Variants in ATP8A2 observed in about 807,000 individuals in gnomAD.
The protein encoded by ATP8A2 is phospholipid-transporting ATPase IB.
A neutral mutation model predicts 165.6 loss-of-function variants in ATP8A2; 100 were observed. That is an observed-to-expected ratio of 0.60 (90% CI 0.51 to 0.71). ATP8A2 has a LOEUF of 0.71. ATP8A2 is among the 30% of genes least tolerant of loss of function. The probability of loss-of-function intolerance (pLI) is 0.00; values close to 1 mark genes in which losing one functional copy is unlikely to be tolerated. For missense variants in ATP8A2, 1,227 were observed against 1,479.5 expected, an observed-to-expected ratio of 0.83 and a Z score of 2.80; for synonymous variants, 543 against 548.8, an observed-to-expected ratio of 0.99 and a Z score of 0.15.
At chr13:25,870,367 T>G (rs761521591) in intron 33 of ATP8A2, among the ~76,000 whole-genome samples, 1 of 152,146 alleles carries the variant, frequency 6.6e-6, no homozygotes, top group African/African-American at 2.4e-5. Context: ...AAAATGCCTG[T>G]CCTCACCTAG....
chr13:25,871,692 A>G (rs956930925), intron 33 of ATP8A2, among the ~76,000 whole-genome samples: 1 of 152,202 alleles, frequency 6.6e-6, no homozygotes, highest in African/African-American at 2.4e-5. Flanking sequence ...TATTGCTTAC[A>G]TCATCATTGT....
intron 33 of ATP8A2, among the ~76,000 whole-genome samples, chr13:25,889,873 A>G (rs1953301705): frequency 6.6e-6 from 1 of 151,994 alleles, no homozygotes; most frequent in Non-Finnish European, 1.5e-5. Context: ...AACTTTAAAA[A>G]CAAATTTGGC....
intron 1 of ATP8A2, among the ~76,000 whole-genome samples, chr13:25,437,463 A>G (rs2034812569): frequency 6.6e-6 from 1 of 152,176 alleles, no homozygotes; most frequent in Admixed American, 6.5e-5. Flanking sequence ...CTCCTCCTCC[A>G]GGGATATGTT....
In ATP8A2 at chr13:25,817,766, C is replaced by A. The variant is rs188385266; in HGVS notation, c.2680-10352C>A. ...GATCATGGCTCACTGCAGCCTCAAC[C>A]TCTCTGGCTCAAGCAACCTTCCCAC... is the stretch of plus-strand genomic sequence containing the variant. On this transcript the variant is annotated intron_variant, in intron 27 of 36. Transcript: ENST00000381655. Among the ~76,000 whole-genome samples the A allele has an allele frequency of 8.8e-4, 134 of 152,072 alleles. 1 individual carries two copies. The highest frequency in any genetic ancestry group is 2.9e-3 in the African/African-American group (119 of 41,480).
chr13:25,989,222 C>G (rs924628923), intron 35 of ATP8A2, among the ~76,000 whole-genome samples: 2 of 146,938 alleles, frequency 1.4e-5, no homozygotes, highest in Non-Finnish European at 2.9e-5. Flanking sequence ...TTGTCCAGAC[C>G]TAGACCCTGT....
intron 2 of ATP8A2, among the ~76,000 whole-genome samples, chr13:25,515,203 C>A (rs1278420767): frequency 1.3e-5 from 2 of 152,226 alleles, no homozygotes; most frequent in Non-Finnish European, 2.9e-5. Flanking sequence ...TTCCAACCCA[C>A]CGGCCTTTGG....
chr13:25,403,010 T>C (rs2033686443), intron 1 of ATP8A2, among the ~76,000 whole-genome samples: 1 of 152,084 alleles, frequency 6.6e-6, no homozygotes, highest in African/African-American at 2.4e-5. Context: ...ATTCCCTGAA[T>C]CCCTTTTATA....
chr13:25,726,177 G>A (rs1350096947), intron 25 of ATP8A2, among the ~76,000 whole-genome samples: 1 of 152,180 alleles, frequency 6.6e-6, no homozygotes, highest in African/African-American at 2.4e-5. Context: ...TTTGTGTCAA[G>A]CAGGTTGTAA....
At chr13:25,500,724 C>T (rs1407501996) in intron 2 of ATP8A2, among the ~76,000 whole-genome samples, 3 of 152,062 alleles carry the variant, frequency 2.0e-5, no homozygotes, top group African/African-American at 7.2e-5. Context: ...GGACCACAGG[C>T]ATGCATCACC....
chr13:25,505,991 C>T (rs2037024802), intron 2 of ATP8A2, among the ~76,000 whole-genome samples: 1 of 152,202 alleles, frequency 6.6e-6, no homozygotes, highest in African/African-American at 2.4e-5. Context: ...CAAGCAGCTT[C>T]TCCAAGCTGA....
At chr13:25,725,058 G>A (rs571664357) in intron 25 of ATP8A2, among the ~76,000 whole-genome samples, 9 of 152,302 alleles carry the variant, frequency 5.9e-5, no homozygotes, top group African/African-American at 2.2e-4. Context: ...ATCAGGAAGT[G>A]TAGCCTTTAA....
intron 33 of ATP8A2, among the ~76,000 whole-genome samples, chr13:25,871,645 C>T (rs1169672307): frequency 6.6e-6 from 1 of 152,130 alleles, no homozygotes; most frequent in Non-Finnish European, 1.5e-5. Context: ...GCCCAAAATA[C>T]TGAACAGACT....
At chr13:25,910,013 G>A (rs1954054260) in intron 33 of ATP8A2, among the ~76,000 whole-genome samples, 1 of 152,024 alleles carries the variant, frequency 6.6e-6, no homozygotes, top group African/African-American at 2.4e-5. Flanking sequence ...GTCTTGTATT[G>A]GCCTATTTTG....
chr13:25,790,794 G>C (rs1791426281), intron 27 of ATP8A2, among the ~76,000 whole-genome samples: 1 of 151,432 alleles, frequency 6.6e-6, no homozygotes, highest in African/African-American at 2.4e-5. Flanking sequence ...CAACATCACA[G>C]ATCATTAGAG....
chr13:25,427,564 C>T (rs764630921), intron 1 of ATP8A2, among the ~76,000 whole-genome samples: 1 of 152,088 alleles, frequency 6.6e-6, no homozygotes, highest in Admixed American at 6.6e-5. Context: ...TCTACACTAA[C>T]TGCTCATTTT....
At chr13:25,504,248 G>T (rs929540230) in intron 2 of ATP8A2, among the ~76,000 whole-genome samples, 2 of 152,098 alleles carry the variant, frequency 1.3e-5, no homozygotes, top group Non-Finnish European at 2.9e-5. Flanking sequence ...ATATTATATT[G>T]ATAGAATTAT....
At chr13:25,380,540 G>A (rs1040093907) in intron 1 of ATP8A2, among the ~76,000 whole-genome samples, 8 of 152,038 alleles carry the variant, frequency 5.3e-5, no homozygotes, top group East Asian at 1.9e-4. Flanking sequence ...ATTATATATC[G>A]AAATAATATT....
At chr13:25,604,596 C>T (rs960743917) in intron 24 of ATP8A2, among the ~76,000 whole-genome samples, 1 of 152,026 alleles carries the variant, frequency 6.6e-6, no homozygotes, top group Admixed American at 6.6e-5. Flanking sequence ...TTAACATTTC[C>T]TCTGTTTAAT....
intron 2 of ATP8A2, among the ~76,000 whole-genome samples, chr13:25,502,818 C>G (rs935943185): frequency 6.6e-6 from 1 of 152,176 alleles, no homozygotes; most frequent in South Asian, 2.1e-4. Flanking sequence ...GACTCACACA[C>G]CTGGAGGCTG....
Sources: gnomAD v4.1 joint callset for allele counts (sites outside exome capture counted in the v4.1 genomes callset) on GRCh38, gnomAD v4.1.1 for gene constraint, MANE v1.5 for transcripts, NCBI Gene and HGNC (gene_info 2026-07-23, HGNC 2026-07-21) for gene names.